Variants in MOCOS observed in about 807,000 individuals in gnomAD.
MOCOS encodes the protein molybdenum cofactor sulfurase.
Under a neutral mutation model 83.6 loss-of-function variants are expected in MOCOS, and 86 were observed. That is an observed-to-expected ratio of 1.03 (90% CI 0.86 to 1.23). The LOEUF (loss-of-function observed/expected upper bound fraction) is 1.23, where lower values mean the gene tolerates loss of function less well. Ranked by LOEUF, MOCOS falls within the 50% of genes most tolerant of loss-of-function variation. The pLI, the probability that MOCOS is intolerant of heterozygous loss-of-function variation, is 0.00. For synonymous variants in MOCOS, 445 were observed against 434.7 expected (o/e 1.02, Z -0.29); for missense variants, 1,120 against 1,126.9 (o/e 0.99, Z 0.09).
At chr18:36,257,673 G>A (rs182432849) in intron 12 of MOCOS, among the ~76,000 whole-genome samples, 1 of 152,238 alleles carries the variant, frequency 6.6e-6, no homozygotes, top group African/African-American at 2.4e-5. Flanking sequence ...GCAAACTGAA[G>A]TCCCAAGGTA....
intron 2 of MOCOS, among the ~76,000 whole-genome samples, chr18:36,196,121 T>C (rs1221760914): frequency 1.3e-5 from 2 of 152,158 alleles, no homozygotes; most frequent in African/African-American, 4.8e-5. Context: ...AAGAAGCCAG[T>C]GCAGGGCATT....
intron 7 of MOCOS, among the ~76,000 whole-genome samples, chr18:36,214,216 C>G (rs1420304584): frequency 1.4e-5 from 2 of 141,886 alleles, no homozygotes; most frequent in African/African-American, 5.3e-5. Flanking sequence ...TGCACTCCAG[C>G]CTGGGCAAAA....
intron 1 of MOCOS, among the ~76,000 whole-genome samples, chr18:36,194,635 G>T (rs1555650990): frequency 2.0e-5 from 3 of 152,170 alleles, no homozygotes; most frequent in Non-Finnish European, 4.4e-5. Flanking sequence ...TGAGCATAAA[G>T]GTGTACCTGT....
intron 10 of MOCOS, among the ~76,000 whole-genome samples, chr18:36,249,808 A>G (rs1459537452): frequency 6.6e-6 from 1 of 152,082 alleles, no homozygotes; most frequent in Non-Finnish European, 1.5e-5. Context: ...GCTGAGGGTG[A>G]GGGGGGTTAT....
In MOCOS at chr18:36,270,753, AAT is replaced by A. The variant is rs1414352805; in HGVS notation, c.*2071_*2072del. On this transcript the variant is annotated 3_prime_UTR_variant, in exon 15 of 15. Coordinates refer to ENST00000261326, the MANE Select transcript of MOCOS (RefSeq NM_017947.4). ...AAATTAGGTCACTTTTGTCATCAAG[AAT>A]ATGTTTTTCTTATCCACGTCTATGT... The A allele has an allele frequency of 6.6e-6, 1 of 151,590 alleles. No homozygotes were observed. The highest frequency in any genetic ancestry group is 1.5e-5 in the Non-Finnish European group (1 of 68,030). The allele number at this position is 151,590 out of a possible 1,614,324, so 9.4% of individuals were successfully genotyped here.
At chr18:36,204,719 G>A (rs553541423) in intron 5 of MOCOS, among the ~76,000 whole-genome samples, 15 of 152,194 alleles carry the variant, frequency 9.9e-5, no homozygotes, top group Middle Eastern at 3.4e-3. Flanking sequence ...GGTGCCAGGC[G>A]TGGTGGCTCA....
chr18:36,219,013 C>T (rs112836788), intron 8 of MOCOS, among the ~76,000 whole-genome samples: 4 of 150,344 alleles, frequency 2.7e-5, no homozygotes, highest in African/African-American at 9.8e-5. Context: ...GGACTACAGG[C>T]GCCTGCCATC....
chr18:36,199,645 G>T, intron 3 of MOCOS, 38 bp from the exon 4 acceptor site: 3 of 1,611,666 alleles, frequency 1.9e-6, no homozygotes, highest in Non-Finnish European at 2.5e-6. Flanking sequence ...TGCTGGGGCT[G>T]AGATCCGCGG....
At chr18:36,191,183 T>G (rs1376679207) in intron 1 of MOCOS, among the ~76,000 whole-genome samples, 3 of 152,108 alleles carry the variant, frequency 2.0e-5, no homozygotes, top group African/African-American at 7.2e-5. Context: ...CAGCCATGAC[T>G]CCTATACAGC....
intron 8 of MOCOS, 58 bp downstream of exon 8, chr18:36,216,035 T>G (rs1179451458): frequency 6.7e-7 from 1 of 1,499,926 alleles, no homozygotes; most frequent in Admixed American, 1.9e-5. Context: ...CTCTATTTTT[T>G]GATAAAGTGA....
At position 36,257,058 on chromosome 18, in the gene MOCOS, G is replaced by T; in HGVS notation, c.2255G>T (p.Arg752Leu). Residue 752 changes from arginine (R) to leucine (L), a missense_variant, in exon 12 of 15, where the codon CGG becomes CTG. By Grantham distance (102) the Arg-to-Leu change is moderately radical. Transcript: ENST00000261326. Reference protein sequence around the residue: ...INTSSILELHRQLNTSDENGK... With the variant: ...INTSSILELHLQLNTSDENGK... ...ACATCCAGTATTTTGGAACTTCACCGGCAACTAAACACCAGGTAAGACCTC... is the reference window on the plus strand; with the variant it reads ...ACATCCAGTATTTTGGAACTTCACCTGCAACTAAACACCAGGTAAGACCTC... 2 of 1,613,764 alleles carry T rather than the reference G, an allele frequency of 1.2e-6. No individual in the cohort carries two copies. The highest frequency in any genetic ancestry group is 1.7e-6 in the Non-Finnish European group (2 of 1,179,714).
chr18:36,254,281 AAT>A (rs1365572470), intron 11 of MOCOS, among the ~76,000 whole-genome samples: 1 of 152,200 alleles, frequency 6.6e-6, no homozygotes, highest in African/African-American at 2.4e-5. Flanking sequence ...AAATTTTAAA[AAT>A]AGTTTAAACA....
At chr18:36,262,046 T>C (rs1195833146) in intron 13 of MOCOS, among the ~76,000 whole-genome samples, 1 of 152,128 alleles carries the variant, frequency 6.6e-6, no homozygotes, top group African/African-American at 2.4e-5. Context: ...AAGGAACCTT[T>C]CTGAGATGAC....
At chr18:36,260,724 A>C (rs2091661059) in intron 13 of MOCOS, among the ~76,000 whole-genome samples, 1 of 151,898 alleles carries the variant, frequency 6.6e-6, no homozygotes, top group African/African-American at 2.4e-5. Flanking sequence ...AAGATATGAG[A>C]AAGAGGCGAA....
intron 9 of MOCOS, among the ~76,000 whole-genome samples, chr18:36,245,577 T>G (rs2091599438): frequency 6.6e-6 from 1 of 152,222 alleles, no homozygotes; most frequent in Admixed American, 6.5e-5. Context: ...CATCTTGACT[T>G]TAGCTAACCT....
intron 7 of MOCOS, among the ~76,000 whole-genome samples, chr18:36,213,884 G>A (rs542148331): frequency 4.8e-4 from 73 of 150,568 alleles, no homozygotes; most frequent in Non-Finnish European, 7.5e-4. Context: ...AGCCGAGATC[G>A]CACCATTGCA....
At position 36,239,019 on chromosome 18, in the gene MOCOS, T is replaced by C. The variant is rs1399212482; in HGVS notation, c.1961-9903T>C. 1.3e-4 allele frequency among the ~76,000 whole-genome samples: 20 copies of C among 151,800 alleles called. 2 individuals are homozygous for C. The highest frequency in any genetic ancestry group is 1.1e-3 in the Admixed American group (17 of 15,208). On this transcript the variant is annotated intron_variant, in intron 9 of 14. Coordinates refer to ENST00000261326, the MANE Select transcript of MOCOS (RefSeq NM_017947.4). ...TTCCTCCATCCTTTTATTTTGAGCC[T>C]ATGTGTGTCTCTGCATGTGAGATGG...
chr18:36,251,120 C>T (rs1463814946), intron 10 of MOCOS, 39 bp from the exon 11 acceptor site: 3 of 1,589,928 alleles, frequency 1.9e-6, no homozygotes, highest in Non-Finnish European at 2.6e-6. Context: ...TAAATAAATA[C>T]TATGTAACAG....
intron 2 of MOCOS, among the ~76,000 whole-genome samples, chr18:36,198,252 G>A (rs915139701): frequency 6.6e-6 from 1 of 152,080 alleles, no homozygotes. Context: ...AGTTAGCCAG[G>A]TGTAGTTGTG....
Sources: gnomAD v4.1 joint callset for allele counts (sites outside exome capture counted in the v4.1 genomes callset) on GRCh38, gnomAD v4.1.1 for gene constraint, MANE v1.5 for transcripts, NCBI Gene and HGNC (gene_info 2026-07-23, HGNC 2026-07-21) for gene names.